Variants in CADM2 observed in about 807,000 individuals in gnomAD.
CADM2 encodes immunoglobulin superfamily member 4D.
In CADM2, 12 loss-of-function variants were observed where a neutral mutation model predicts 49.8. That is an observed-to-expected ratio of 0.24 (90% CI 0.15 to 0.39). The LOEUF (loss-of-function observed/expected upper bound fraction) is 0.39, where lower values mean the gene tolerates loss of function less well. CADM2 is among the 10% of genes least tolerant of loss of function. CADM2 has a pLI of 1.00. For missense variants in CADM2, 378 were observed against 492.3 expected (o/e 0.77, Z 2.20); for synonymous variants, 214 against 175.4 (o/e 1.22, Z -1.74).
rs1349407775 is a variant in CADM2, at chr3:86,071,189, G to T, written c.*4406G>T. 6.6e-6 allele frequency: 1 copy of T among 151,844 alleles called. No individual in the cohort carries two copies. Among genetic ancestry groups the T allele is most frequent in the East Asian group, 1.9e-4 (1 of 5,182 alleles). 9.4% of individuals were successfully genotyped at this position (151,844 alleles called of 1,614,324 possible). A position where few individuals can be genotyped will look rare whatever the true frequency, so the allele number is the denominator to read the frequency against. ...ATTGAATTGGGAATTCTTCAATTTTGTTTGAAATGTGTGCATGTTTTCATA... is the reference window on the plus strand; with the variant it reads ...ATTGAATTGGGAATTCTTCAATTTTTTTTGAAATGTGTGCATGTTTTCATA... On this transcript the variant is annotated 3_prime_UTR_variant, in exon 10 of 10. Transcript: ENST00000383699.
chr3:85,976,418 T>C (rs1417272123), intron 8 of CADM2, among the ~76,000 whole-genome samples: 4 of 151,598 alleles, frequency 2.6e-5, no homozygotes, highest in African/African-American at 9.7e-5. Context: ...ACTAATTCAA[T>C]TGATCTTACA....
chr3:85,354,642 G>GAGAGAGAGAGAGAGAGAGAGAGAA (rs1328548652), intron 1 of CADM2, among the ~76,000 whole-genome samples: 1 of 150,484 alleles, frequency 6.6e-6, no homozygotes, highest in Non-Finnish European at 1.5e-5. Context: ...GAGAGAGAGA[G>GAGAGAGAGAGAGAGAGAGAGAGAA]AAGCCTATTC....
At chr3:85,704,814 A>T (rs925364443) in intron 1 of CADM2, among the ~76,000 whole-genome samples, 17 of 151,742 alleles carry the variant, frequency 1.1e-4, no homozygotes, top group Non-Finnish European at 1.0e-4. Flanking sequence ...GAATATATTG[A>T]ATAGGGCAAT....
At chr3:85,121,684 T>C (rs553043524) in intron 1 of CADM2, among the ~76,000 whole-genome samples, 1 of 152,220 alleles carries the variant, frequency 6.6e-6, no homozygotes, top group East Asian at 1.9e-4. Context: ...ATTACCTATC[T>C]TCATTCATCA....
chr3:85,079,678 T>A (rs1341614856), intron 1 of CADM2, among the ~76,000 whole-genome samples: 1 of 151,780 alleles, frequency 6.6e-6, no homozygotes, highest in Non-Finnish European at 1.5e-5. Flanking sequence ...TGTAGTTTTC[T>A]CTCCACATTT....
intron 1 of CADM2, among the ~76,000 whole-genome samples, chr3:85,721,955 T>C (rs956524079): frequency 3.9e-5 from 6 of 152,332 alleles, no homozygotes; most frequent in African/African-American, 1.4e-4. Flanking sequence ...AGGAGCTTTA[T>C]TGAGCAACAA....
intron 7 of CADM2, among the ~76,000 whole-genome samples, chr3:85,941,147 G>C (rs568972953): frequency 6.6e-6 from 1 of 151,874 alleles, no homozygotes; most frequent in Non-Finnish European, 1.5e-5. Context: ...ATGAAATGTC[G>C]GCCTCCAAGT....
chr3:85,639,816 T>C (rs1053412455), intron 1 of CADM2, among the ~76,000 whole-genome samples: 2 of 152,014 alleles, frequency 1.3e-5, no homozygotes, highest in African/African-American at 4.8e-5. Flanking sequence ...AAAAGGACCA[T>C]AGTATCTTCA....
chr3:85,739,353 C>T (rs1057425474), intron 2 of CADM2, among the ~76,000 whole-genome samples: 11 of 151,990 alleles, frequency 7.2e-5, no homozygotes, highest in Non-Finnish European at 1.3e-4. Context: ...ATCTTTATAA[C>T]TTATAAAACT....
chr3:85,579,580 T>C (rs1311523791), intron 1 of CADM2, among the ~76,000 whole-genome samples: 1 of 152,160 alleles, frequency 6.6e-6, no homozygotes, highest in Non-Finnish European at 1.5e-5. Flanking sequence ...TGTTGATTTA[T>C]TCTGAGTAAT....
At chr3:85,145,657 C>T (rs1247457236) in intron 1 of CADM2, among the ~76,000 whole-genome samples, 1 of 151,978 alleles carries the variant, frequency 6.6e-6, no homozygotes, top group Non-Finnish European at 1.5e-5. Flanking sequence ...AAAGAATCAT[C>T]CCTGTCATGC....
At chr3:85,479,603 G>A (rs753450838) in intron 1 of CADM2, among the ~76,000 whole-genome samples, 1 of 151,838 alleles carries the variant, frequency 6.6e-6, no homozygotes, top group Non-Finnish European at 1.5e-5. Context: ...ACACTTCAAT[G>A]CATCTCCACC....
intron 1 of CADM2, among the ~76,000 whole-genome samples, chr3:85,478,933 TTTTTATTTTA>T (rs199758053): frequency 1.3e-5 from 2 of 151,688 alleles, no homozygotes; most frequent in Admixed American, 1.3e-4. Flanking sequence ...TGAAGTTTTG[TTTTTATTTTA>T]TTTTATTTTA....
At chr3:85,345,160 C>G (rs1383225225) in intron 1 of CADM2, among the ~76,000 whole-genome samples, 1 of 151,386 alleles carries the variant, frequency 6.6e-6, no homozygotes, top group Non-Finnish European at 1.5e-5. Context: ...ACTAAAAATA[C>G]AAAAGTTAGC....
At chr3:85,976,169 G>A (rs906687264) in intron 8 of CADM2, among the ~76,000 whole-genome samples, 3 of 151,468 alleles carry the variant, frequency 2.0e-5, no homozygotes, top group African/African-American at 7.3e-5. Context: ...ATTTTAAGCG[G>A]TATCATTTTA....
intron 1 of CADM2, among the ~76,000 whole-genome samples, chr3:85,277,254 G>A (rs888236515): frequency 6.6e-6 from 1 of 151,304 alleles, no homozygotes; most frequent in Non-Finnish European, 1.5e-5. Context: ...GTTATACAAT[G>A]AGAAAAATGA....
intron 1 of CADM2, among the ~76,000 whole-genome samples, chr3:85,516,160 G>A (rs76282212): frequency 0.08 from 12,215 of 152,126 alleles, 952 homozygotes; most frequent in African/African-American, 0.18. Flanking sequence ...ATCAATTCAT[G>A]GTCAAATTTG....
chr3:85,847,381 A>G lies in CADM2; in HGVS notation c.239-35910A>G, dbSNP rs570612067. Among the ~76,000 whole-genome samples the G allele has an allele frequency of 2.8e-4, 42 of 152,360 alleles. No homozygotes were observed. The Middle Eastern group carries it at 0.01, about 37-fold the overall frequency. On this transcript the variant is annotated intron_variant, in intron 3 of 9. Coordinates refer to ENST00000383699, the MANE Select transcript of CADM2 (RefSeq NM_001167675.2). Reference sequence around the variant, plus strand: ...TCTAGGTAAGATTTGCTGGGATCACATAGGAAATCAGCTACCCGGTGATTA... The same window carrying G: ...TCTAGGTAAGATTTGCTGGGATCACGTAGGAAATCAGCTACCCGGTGATTA...
chr3:85,063,619 G>A (rs2036416854), intron 1 of CADM2, among the ~76,000 whole-genome samples: 1 of 151,928 alleles, frequency 6.6e-6, no homozygotes, highest in African/African-American at 2.4e-5. Context: ...AAATTTCAGT[G>A]GGCTCTCTTA....
Sources: gnomAD v4.1 joint callset for allele counts (sites outside exome capture counted in the v4.1 genomes callset) on GRCh38, gnomAD v4.1.1 for gene constraint, MANE v1.5 for transcripts, NCBI Gene and HGNC (gene_info 2026-07-23, HGNC 2026-07-21) for gene names.